The following CUL1 variants were observed in gnomAD, a reference collection of about 807,000 sequenced individuals.
The protein encoded by CUL1 is cullin-1.
A neutral mutation model predicts 118.0 loss-of-function variants in CUL1; 24 were observed. That is an observed-to-expected ratio of 0.20 (90% CI 0.15 to 0.29). The LOEUF (loss-of-function observed/expected upper bound fraction) is 0.29. CUL1 is among the 10% of genes least tolerant of loss of function. CUL1 has a pLI of 1.00. For synonymous variants in CUL1, 332 were observed against 340.4 expected (o/e 0.98, Z 0.27); for missense variants, 361 against 933.8 (o/e 0.39, Z 7.99).
chr7:148,768,057 G>T (rs1800064155), intron 9 of CUL1, among the ~76,000 whole-genome samples: 1 of 152,058 alleles, frequency 6.6e-6, no homozygotes, highest in Non-Finnish European at 1.5e-5. Context: ...AAAGGCTCCT[G>T]GAAGCTGTTA....
chr7:148,786,432 C>G (rs1433177854), intron 11 of CUL1, 119 bp from the exon 12 acceptor site: 4 of 755,416 alleles, frequency 5.3e-6, no homozygotes, highest in Non-Finnish European at 9.0e-6. Context: ...CTTCCCTCTT[C>G]CTCTGCACTA....
In CUL1 at chr7:148,757,144, C is replaced by A; in HGVS notation, c.477C>A (p.Ile159=). The A allele has an allele frequency of 1.3e-6, 2 of 1,524,756 alleles. No homozygotes were observed. The highest frequency in any genetic ancestry group is 8.8e-7 in the Non-Finnish European group (1 of 1,135,066). The allele number at this position is 1,524,756 out of a possible 1,614,324, so 94.5% of individuals were successfully genotyped here. The change falls in exon 4 of 22, where the codon ATC becomes ATA. Residue 159 remains isoleucine (I), a synonymous_variant. Coordinates refer to ENST00000325222, the MANE Select transcript of CUL1 (RefSeq NM_003592.3). ...AAGGACGAAAAGGAATATATGAAATCTATTCGGTAAGAGTTTTGTTTTAAA... is the reference window on the plus strand; with the variant it reads ...AAGGACGAAAAGGAATATATGAAATATATTCGGTAAGAGTTTTGTTTTAAA... ...CDEGRKGIYE[I]YSLALVTWRD...
rs1014426314 is a variant in CUL1 at position 148,758,300 on chromosome 7, A to G, written c.484-1004A>G. Among the ~76,000 whole-genome samples the G allele has an allele frequency of 5.3e-5, 8 of 152,368 alleles. No individual in the cohort carries two copies. In the South Asian group the frequency reaches 8.3e-4, roughly 16 times the overall value. ...TGTCAGATTCTACATAAAGGAGTTAATCACCATATCCAAGAATGTTGCTAT... is the reference window on the plus strand; with the variant it reads ...TGTCAGATTCTACATAAAGGAGTTAGTCACCATATCCAAGAATGTTGCTAT... On this transcript the variant is annotated intron_variant, in intron 4 of 21. Coordinates refer to ENST00000325222, the MANE Select transcript of CUL1 (RefSeq NM_003592.3).
intron 20 of CUL1, 94 bp from the exon 21 acceptor site, chr7:148,799,181 G>GATC: frequency 1.2e-6 from 1 of 844,486 alleles, no homozygotes; most frequent in Non-Finnish European, 1.9e-6. Flanking sequence ...CCTGTGCATA[G>GATC]GCGTCGGCAG....
intron 1 of CUL1, among the ~76,000 whole-genome samples, chr7:148,726,279 T>G (rs942227824): frequency 6.6e-6 from 1 of 152,184 alleles, no homozygotes; most frequent in South Asian, 2.1e-4. Context: ...ATTGACCATT[T>G]TATTTGGTAT....
intron 7 of CUL1, among the ~76,000 whole-genome samples, chr7:148,763,816 A>T (rs909168711): frequency 1.3e-5 from 2 of 152,218 alleles, no homozygotes; most frequent in African/African-American, 4.8e-5. Flanking sequence ...CAAACATTCT[A>T]TCAGGAAATA....
chr7:148,763,766 T>G (rs371479129), intron 7 of CUL1, among the ~76,000 whole-genome samples: 1 of 152,338 alleles, frequency 6.6e-6, no homozygotes. Flanking sequence ...GTGGCAAATC[T>G]TACTCAATAA....
chr7:148,707,239 C>T (rs1029749919), intron 1 of CUL1, among the ~76,000 whole-genome samples: 9 of 152,118 alleles, frequency 5.9e-5, no homozygotes, highest in African/African-American at 1.9e-4. Flanking sequence ...TCTCTTGGAA[C>T]GAGCACCTGG....
At chr7:148,726,165 T>C (rs761807250) in intron 1 of CUL1, among the ~76,000 whole-genome samples, 13 of 152,202 alleles carry the variant, frequency 8.5e-5, no homozygotes, top group Middle Eastern at 3.2e-3. Context: ...AGATTCATAA[T>C]TGGAATCAGA....
rs576164779 is a variant in CUL1 at position 148,722,670 on chromosome 7, T to C, written c.-161-7292T>C. On this transcript the variant is annotated intron_variant, in intron 1 of 21. Transcript: ENST00000325222. The stretch of plus-strand genomic sequence containing the variant: ...GAGTTCAGAAATTAATTGGACACTT[T>C]GGCACAGCCCAGAACCTTCCTCTCC... Among the ~76,000 whole-genome samples, 5 of 152,366 alleles carry C rather than the reference T, an allele frequency of 3.3e-5. No homozygotes were observed. The South Asian group carries it at 1.0e-3, about 32-fold the overall frequency.
At chr7:148,788,437 C>A in intron 13 of CUL1, 120 bp from the exon 14 acceptor site, 1 of 657,798 alleles carries the variant, frequency 1.5e-6, no homozygotes. Flanking sequence ...ATGTTACTAG[C>A]TTTGCTAGTA....
intron 1 of CUL1, among the ~76,000 whole-genome samples, chr7:148,708,580 G>C (rs1020001099): frequency 6.6e-6 from 1 of 152,206 alleles, no homozygotes; most frequent in African/African-American, 2.4e-5. Context: ...TGGGCTGCTA[G>C]CATTTGATAG....
chr7:148,783,401 G>C (rs1800712535), intron 9 of CUL1: 2 of 985,340 alleles, frequency 2.0e-6, no homozygotes, highest in Non-Finnish European at 2.4e-6. Flanking sequence ...GACCGACCTC[G>C]GCGGCTAAAC....
In CUL1 at chr7:148,760,517, T is replaced by A. The variant is rs1440925844; in HGVS notation, c.789+21T>A. 2.6e-6 allele frequency: 4 copies of A among 1,537,638 alleles called. No homozygotes were observed. The Admixed American group carries it at 7.7e-5, about 30-fold the overall frequency. ...AAAAGGTAAGCTTAAATATAGTACT[T>A]TAAGTAGACTTAAGTTAAAGTCATT... On this transcript the variant is annotated intron_variant, in intron 7 of 21. Coordinates refer to ENST00000325222, the MANE Select transcript of CUL1 (RefSeq NM_003592.3).
In CUL1 at chr7:148,768,378, C is replaced by CTTTTTTTT. The variant is rs10595637; in HGVS notation, c.1083+646_1083+653dup. Reference sequence around the variant, plus strand: ...GGGAGAACAATAGAGAAGAAAAGCTCTTTTTTTTTTTTTTTTTTTTTTTTG... The same window carrying CTTTTTTTT: ...GGGAGAACAATAGAGAAGAAAAGCTCTTTTTTTTTTTTTTTTTTTTTTTTTTTTTTTTG... On this transcript the variant is annotated intron_variant, in intron 9 of 21. Transcript: ENST00000325222. Among the ~76,000 whole-genome samples, 243 of 94,848 alleles carry CTTTTTTTT rather than the reference C, an allele frequency of 2.6e-3. 10 individuals carry two copies. The highest frequency in any genetic ancestry group is 9.5e-3 in the African/African-American group (231 of 24,420). The allele number at this position is 94,848 out of a possible 152,430, so 62.2% of individuals were successfully genotyped here.
rs573597084 is a variant in CUL1, at chr7:148,785,110, C to T, written c.1298+1033C>T. ...ATGAAGGTCAATAGCTTTCTCTTAA[C>T]GCAGTTTACCCAAGGCCAGTGAGAA... On this transcript the variant is annotated intron_variant, in intron 11 of 21. Transcript: ENST00000325222. Among the ~76,000 whole-genome samples, 21 of 152,264 alleles carry T rather than the reference C, an allele frequency of 1.4e-4. No individual in the cohort carries two copies. The South Asian group carries it at 3.3e-3, about 24-fold the overall frequency.
intron 1 of CUL1, among the ~76,000 whole-genome samples, chr7:148,719,797 G>T (rs767720736): frequency 6.6e-6 from 1 of 152,168 alleles, no homozygotes; most frequent in Non-Finnish European, 1.5e-5. Context: ...GTGTCATTAC[G>T]TATTCATATC....
At chr7:148,772,394 G>T (rs1391861646) in intron 9 of CUL1, among the ~76,000 whole-genome samples, 1 of 147,318 alleles carries the variant, frequency 6.8e-6, no homozygotes, top group Non-Finnish European at 1.5e-5. Flanking sequence ...CAGCCTGGGT[G>T]ACAGAGAGAG....
intron 9 of CUL1, among the ~76,000 whole-genome samples, chr7:148,777,066 A>G (rs1452829091): frequency 6.6e-6 from 1 of 152,244 alleles, no homozygotes; most frequent in Non-Finnish European, 1.5e-5. Flanking sequence ...ACATTTACAG[A>G]GTACATTCTG....
Sources: gnomAD v4.1 joint callset for allele counts (sites outside exome capture counted in the v4.1 genomes callset) on GRCh38, gnomAD v4.1.1 for gene constraint, MANE v1.5 for transcripts, NCBI Gene and HGNC (gene_info 2026-07-23, HGNC 2026-07-21) for gene names.